Variants in LRBA observed in about 807,000 individuals in gnomAD.
The protein encoded by LRBA is LPS responsive beige-like anchor protein.
LRBA carries 176 observed loss-of-function variants against 330.0 expected under a neutral mutation model. The ratio of observed to expected loss-of-function variants is 0.53; its 90% CI spans 0.47 to 0.60. The LOEUF (loss-of-function observed/expected upper bound fraction) is 0.60. Ranked by LOEUF, LRBA falls within the 20% of genes least tolerant of loss-of-function variation. The pLI is 0.00. For missense variants in LRBA, 3,259 were observed against 3,444.8 expected (o/e 0.95, Z 1.35); for synonymous variants, 1,230 against 1,193.0 (o/e 1.03, Z -0.64).
At chr4:150,462,518 T>TA in intron 44 of LRBA, among the ~76,000 whole-genome samples, 1 of 151,822 alleles carries the variant, frequency 6.6e-6, no homozygotes, top group Admixed American at 6.6e-5. Flanking sequence ...TTTTTTTTCT[T>TA]AAAAGAAGAT....
chr4:150,732,038 A>T lies in LRBA; in HGVS notation c.5754+3220T>A, dbSNP rs139993575. ...AAAATCAATGACATAATTACACTGA[A>T]AATAATTAACTAAAATGGCTTGGTG... On this transcript the variant is annotated intron_variant, in intron 36 of 56. Transcript: ENST00000651943. Among the ~76,000 whole-genome samples the T allele has an allele frequency of 5.9e-5, 9 of 152,278 alleles. No individual in the cohort carries two copies. The East Asian group carries it at 1.5e-3, about 26-fold the overall frequency.
chr4:150,861,982 A>C (rs1752001512), intron 22 of LRBA, among the ~76,000 whole-genome samples: 1 of 111,194 alleles, frequency 9.0e-6, no homozygotes, highest in Admixed American at 8.9e-5. Flanking sequence ...CTCTGACTCC[A>C]AAAAAAAAAA....
chr4:150,276,017 A>G (rs1298236681), intron 56 of LRBA, among the ~76,000 whole-genome samples: 6 of 152,218 alleles, frequency 3.9e-5, no homozygotes, highest in Non-Finnish European at 8.8e-5. Flanking sequence ...GCACCATACT[A>G]CCTGACTTCA....
chr4:150,837,475 A>C (rs1202133089), intron 28 of LRBA, among the ~76,000 whole-genome samples: 1 of 151,320 alleles, frequency 6.6e-6, no homozygotes, highest in African/African-American at 2.4e-5. Flanking sequence ...GAACCTGGGT[A>C]CTCCTGTATT....
intron 36 of LRBA, among the ~76,000 whole-genome samples, chr4:150,710,537 A>G (rs1296559489): frequency 6.6e-6 from 1 of 150,558 alleles, no homozygotes; most frequent in Non-Finnish European, 1.5e-5. Context: ...GGTCAAAGTG[A>G]AAAAAAAATA....
At chr4:150,427,345 T>C (rs192700412) in intron 46 of LRBA, among the ~76,000 whole-genome samples, 23 of 152,162 alleles carry the variant, frequency 1.5e-4, no homozygotes, top group Middle Eastern at 3.4e-3. Context: ...AAGTAATTTT[T>C]ATCAATGAGC....
intron 44 of LRBA, among the ~76,000 whole-genome samples, chr4:150,459,476 C>T (rs558003090): frequency 9.2e-5 from 14 of 151,984 alleles, no homozygotes; most frequent in Non-Finnish European, 2.1e-4. Flanking sequence ...CTGAGCTTAC[C>T]ACTTGGAAAA....
Position 150,897,803 on chromosome 4 carries a change from T to C in LRBA, c.1940A>G (p.Asn647Ser), listed in dbSNP as rs752601374. 7 of 1,611,444 alleles carry C rather than the reference T, an allele frequency of 4.3e-6. No individual in the cohort carries two copies. The highest frequency in any genetic ancestry group is 5.9e-6 in the Non-Finnish European group (7 of 1,178,288). The change falls in exon 15 of 57, where the codon AAT becomes AGT. Residue 647 changes from asparagine (N) to serine (S), a missense_variant. Asn to Ser is a conservative substitution (Grantham distance 46, BLOSUM62 1). Coordinates refer to ENST00000651943, the MANE Select transcript of LRBA (RefSeq NM_001364905.1). The stretch of plus-strand genomic sequence containing the variant: ...TCGTAGAGAAAGCATTTCTTTTTGA[T>C]TAGGTCGCGGTCCATCTTTTAAAAA... ...TPKGLDGPRP[N>S]QKEMLSLRAF...
chr4:150,413,434 G>C (rs1044218381), intron 47 of LRBA, among the ~76,000 whole-genome samples: 1 of 151,896 alleles, frequency 6.6e-6, no homozygotes, highest in Admixed American at 6.6e-5. Context: ...CTATAAAATG[G>C]AATACTATAC....
chr4:150,430,791 T>C (rs1750279285), intron 46 of LRBA, among the ~76,000 whole-genome samples: 1 of 152,124 alleles, frequency 6.6e-6, no homozygotes, highest in Non-Finnish European at 1.5e-5. Flanking sequence ...TTCAGATCCA[T>C]TTACTACTGT....
At chr4:150,510,536 C>A (rs762883285) in intron 40 of LRBA, among the ~76,000 whole-genome samples, 1 of 152,198 alleles carries the variant, frequency 6.6e-6, no homozygotes, top group South Asian at 2.1e-4. Flanking sequence ...CACTCTTGTA[C>A]CTTCACAAAT....
intron 47 of LRBA, among the ~76,000 whole-genome samples, chr4:150,351,903 G>C (rs1221848379): frequency 6.6e-6 from 1 of 152,028 alleles, no homozygotes; most frequent in Non-Finnish European, 1.5e-5. Flanking sequence ...CAACAAAATT[G>C]AACAATGATA....
intron 5 of LRBA, among the ~76,000 whole-genome samples, chr4:150,917,416 T>C (rs1052872904): frequency 3.9e-5 from 6 of 152,036 alleles, no homozygotes; most frequent in Non-Finnish European, 5.9e-5. Flanking sequence ...GGTATTAGAA[T>C]AGAGAAAGAT....
intron 43 of LRBA, 138 bp from the exon 44 acceptor site, chr4:150,467,923 T>A: frequency 2.0e-6 from 1 of 490,090 alleles, no homozygotes; most frequent in Non-Finnish European, 3.7e-6. Context: ...CTTTCTCTCA[T>A]TTAATCCTCA....
intron 14 of LRBA, among the ~76,000 whole-genome samples, chr4:150,898,067 G>A (rs1172343983): frequency 6.6e-6 from 1 of 151,784 alleles, no homozygotes; most frequent in Non-Finnish European, 1.5e-5. Context: ...ACTTTGAATA[G>A]GTCAAAGAAT....
chr4:150,498,933 T>A (rs989640101), intron 40 of LRBA, among the ~76,000 whole-genome samples: 2 of 152,192 alleles, frequency 1.3e-5, no homozygotes, highest in African/African-American at 4.8e-5. Context: ...AAGAGTTTTG[T>A]CTAATTCAAA....
chr4:150,960,611 G>A (rs1458518249), intron 2 of LRBA, among the ~76,000 whole-genome samples: 1 of 149,184 alleles, frequency 6.7e-6, no homozygotes, highest in Non-Finnish European at 1.5e-5. Flanking sequence ...TTCCATTTGA[G>A]GGAGAGAGGC....
intron 47 of LRBA, among the ~76,000 whole-genome samples, chr4:150,353,700 G>A (rs1005138229): frequency 6.6e-6 from 1 of 152,156 alleles, no homozygotes; most frequent in African/African-American, 2.4e-5. Flanking sequence ...CACATGCAGA[G>A]ATCACCACAA....
At chr4:150,404,007 G>T (rs542236127) in intron 47 of LRBA, among the ~76,000 whole-genome samples, 1 of 152,184 alleles carries the variant, frequency 6.6e-6, no homozygotes, top group South Asian at 2.1e-4. Flanking sequence ...ACTCCAGCCT[G>T]GGCGACAGAG....
Sources: allele counts gnomAD v4.1 joint callset (sites outside exome capture counted in the v4.1 genomes callset), GRCh38; gene constraint gnomAD v4.1.1; transcripts MANE v1.5; gene names NCBI Gene and HGNC (gene_info 2026-07-23, HGNC 2026-07-21).